Variants in GNAI2 observed in about 807,000 individuals in gnomAD.
GNAI2 encodes the protein G protein subunit alpha i2, also known as guanine nucleotide-binding protein G(i) subunit alpha-2.
Under a neutral mutation model 36.8 loss-of-function variants are expected in GNAI2, and 4 were observed. The observed-to-expected ratio is 0.11, with a 90% CI of 0.05 to 0.25. The LOEUF is 0.25. GNAI2 is among the 10% of genes least tolerant of loss of function. GNAI2 has a pLI of 1.00. For synonymous variants in GNAI2, 194 were observed against 194.1 expected (o/e 1.00, Z 0.01); for missense variants, 230 against 481.3 (o/e 0.48, Z 4.89).
chr3:50,246,062 G>A (rs1361354990), intron 1 of GNAI2, among the ~76,000 whole-genome samples: 2 of 152,172 alleles, frequency 1.3e-5, no homozygotes, highest in African/African-American at 4.8e-5. Flanking sequence ...CCCAGTGCCG[G>A]ACCCGTGCTG....
Position 50,236,583 on chromosome 3 carries a change from C to G in GNAI2, c.118+130C>G. The G allele has an allele frequency of 1.5e-6, 2 of 1,302,774 alleles. No individual in the cohort carries two copies. The highest frequency in any genetic ancestry group is 2.0e-6 in the Non-Finnish European group (2 of 985,398). The allele number at this position is 1,302,774 out of a possible 1,614,324, so 80.7% of individuals were successfully genotyped here. A position where few individuals can be genotyped will look rare whatever the true frequency, so the allele number is the denominator to read the frequency against. On this transcript the variant is annotated intron_variant, in intron 1 of 8. Coordinates refer to ENST00000313601, the MANE Select transcript of GNAI2 (RefSeq NM_002070.4). The surrounding 1 kb of genome is among the most constrained non-coding windows in gnomAD (Gnocchi z 4.0). The stretch of plus-strand genomic sequence containing the variant: ...CTGGGACCCCACACCTGGGCCAGGA[C>G]CAGGGTTGAAAACTCTAGATTGGAC...
chr3:50,245,303 C>T (rs1043957521), intron 1 of GNAI2, among the ~76,000 whole-genome samples: 1 of 152,176 alleles, frequency 6.6e-6, no homozygotes, highest in African/African-American at 2.4e-5. Flanking sequence ...CCGCCAGTGC[C>T]GTGATTCTTA....
rs1559779292 is a variant in GNAI2, at chr3:50,258,792, C to T, written c.*449C>T. On this transcript the variant is annotated 3_prime_UTR_variant, in exon 9 of 9. Transcript: ENST00000313601. ...GCCCAGTCCCCCAACCCCAGCCGCT[C>T]GGAGGCCCCAAAGGAAAAAGCACAA... 2.0e-5 allele frequency: 8 copies of T among 395,948 alleles called. No individual in the cohort carries two copies. The highest frequency in any genetic ancestry group is 3.5e-5 in the Admixed American group (1 of 28,614). The allele number at this position is 395,948 out of a possible 1,614,324, so 24.5% of individuals were successfully genotyped here.
In GNAI2 at chr3:50,252,441, A is replaced by G; in HGVS notation, c.206A>G (p.Tyr69Cys). The G allele has an allele frequency of 6.2e-7, 1 of 1,613,674 alleles. No individual in the cohort carries two copies. The highest frequency in any genetic ancestry group is 8.5e-7 in the Non-Finnish European group (1 of 1,179,880). The stretch of plus-strand genomic sequence containing the variant: ...TACTCCGAGGAGGAATGCCGGCAGT[A>G]CCGGGCGGTTGTCTACAGCAACACC... ...DGYSEEECRQ[Y>C]RAVVYSNTIQ... The change falls in exon 3 of 9, where the codon TAC (tyrosine) becomes TGC (cysteine). Residue 69 changes from tyrosine (Y) to cysteine (C), a missense_variant. Tyr to Cys is a radical substitution (Grantham distance 194). This residue lies in a region of GNAI2 where 132 missense variants were observed against 247.4 expected (regional missense o/e 0.53). Transcript: ENST00000313601. The surrounding 1 kb of genome is among the most constrained non-coding windows in gnomAD (Gnocchi z 4.1).
At position 50,255,664 on chromosome 3, in the gene GNAI2, C is replaced by T. The variant is rs1252822641; in HGVS notation, c.465-528C>T. Among the ~76,000 whole-genome samples the T allele has an allele frequency of 6.6e-6, 1 of 152,202 alleles. No individual in the cohort carries two copies. Among genetic ancestry groups the T allele is most frequent in the Non-Finnish European group, 1.5e-5 (1 of 68,044 alleles). ...CTGTCCACAGAGCTGCACCTCCTCCCATTCCCATTCTACAGGTGGGAGGCC... is the reference window on the plus strand; with the variant it reads ...CTGTCCACAGAGCTGCACCTCCTCCTATTCCCATTCTACAGGTGGGAGGCC... On this transcript the variant is annotated intron_variant, in intron 4 of 8. Transcript: ENST00000313601. The surrounding 1 kb of genome is among the most constrained non-coding windows in gnomAD (Gnocchi z 4.0).
chr3:50,246,884 C>T, intron 1 of GNAI2: 1 of 1,433,390 alleles, frequency 7.0e-7, no homozygotes, highest in South Asian at 1.5e-5. Flanking sequence ...GGAAAGCCAA[C>T]AGAGGAGCCA....
chr3:50,258,769 C>G lies in GNAI2; in HGVS notation c.*426C>G, dbSNP rs1003789812. ...CAAATGTTTACAGGGAGCCTCCTGCCCAGTCCCCCAACCCCAGCCGCTCGG... is the reference window on the plus strand; with the variant it reads ...CAAATGTTTACAGGGAGCCTCCTGCGCAGTCCCCCAACCCCAGCCGCTCGG... On this transcript the variant is annotated 3_prime_UTR_variant, in exon 9 of 9. Transcript: ENST00000313601. 8 of 378,554 alleles carry G rather than the reference C, an allele frequency of 2.1e-5. No individual in the cohort carries two copies. Among genetic ancestry groups the G allele is most frequent in the South Asian group, 1.6e-4 (8 of 48,928 alleles). 23.4% of individuals were successfully genotyped at this position (378,554 alleles called of 1,614,324 possible).
Position 50,252,854 on chromosome 3 carries a change from A to C in GNAI2, c.304-170A>C, listed in dbSNP as rs1700596385. Among the ~76,000 whole-genome samples, 1 of 151,970 alleles carries C rather than the reference A, an allele frequency of 6.6e-6. No individual in the cohort carries two copies. Among genetic ancestry groups the C allele is most frequent in the Non-Finnish European group, 1.5e-5 (1 of 67,966 alleles). On this transcript the variant is annotated intron_variant, in intron 3 of 8. Coordinates refer to ENST00000313601, the MANE Select transcript of GNAI2 (RefSeq NM_002070.4). This position sits in a 1 kb window ranked among gnomAD's most constrained non-coding sequence, Gnocchi z 4.1. ...ACTCTAGCCTTGGTGACAGAGCTAGACTCCGTCACAGAAAAAAGTAAACAA... is the reference window on the plus strand; with the variant it reads ...ACTCTAGCCTTGGTGACAGAGCTAGCCTCCGTCACAGAAAAAAGTAAACAA...
At position 50,238,806 on chromosome 3, in the gene GNAI2, A is replaced by T. The variant is rs1241122858; in HGVS notation, c.118+2353A>T. ...ATGGGAGCCCAGCTGTGGTAAGTTC[A>T]GAGTTCTGGGCGCCTGTCCCATGTA... On this transcript the variant is annotated intron_variant, in intron 1 of 8. Transcript: ENST00000313601. The surrounding 1 kb of genome is among the most constrained non-coding windows in gnomAD (Gnocchi z 5.0). Among the ~76,000 whole-genome samples the T allele has an allele frequency of 1.3e-5, 2 of 152,246 alleles. No individual in the cohort carries two copies. The highest frequency in any genetic ancestry group is 4.8e-5 in the African/African-American group (2 of 41,468).
rs1191429066 is a variant in GNAI2, at chr3:50,252,277, C to T, written c.162-120C>T. 2.2e-6 allele frequency: 3 copies of T among 1,395,052 alleles called. No homozygotes were observed. Among genetic ancestry groups the T allele is most frequent in the African/African-American group, 1.4e-5 (1 of 70,782 alleles). The allele number at this position is 1,395,052 out of a possible 1,614,324, so 86.4% of individuals were successfully genotyped here. A position where few individuals can be genotyped will look rare whatever the true frequency, so the allele number is the denominator to read the frequency against. On this transcript the variant is annotated intron_variant, in intron 2 of 8. Transcript: ENST00000313601. This position sits in a 1 kb window ranked among gnomAD's most constrained non-coding sequence, Gnocchi z 4.1. ...ATCTTCTGAGAAGCAGAAGGACCCT[C>T]AGGTCCCAGTGGGTCAGGGGCAGTT...
At position 50,242,782 on chromosome 3, in the gene GNAI2, A is replaced by G. The variant is rs1344815465; in HGVS notation, c.118+6329A>G. 6.6e-6 allele frequency among the ~76,000 whole-genome samples: 1 copy of G among 152,198 alleles called. No homozygotes were observed. The highest frequency in any genetic ancestry group is 1.5e-5 in the Non-Finnish European group (1 of 68,046). Reference sequence around the variant, plus strand: ...ACCACACCAGTCTGAGCAAAGGCCTAAAGGTGGGGTCATCTCAGCCTTGTT... The same window carrying G: ...ACCACACCAGTCTGAGCAAAGGCCTGAAGGTGGGGTCATCTCAGCCTTGTT... On this transcript the variant is annotated intron_variant, in intron 1 of 8. Coordinates refer to ENST00000313601, the MANE Select transcript of GNAI2 (RefSeq NM_002070.4). The surrounding 1 kb of genome is among the most constrained non-coding windows in gnomAD (Gnocchi z 4.8).
chr3:50,232,594 C>T (rs1298843066), upstream of GNAI2, among the ~76,000 whole-genome samples: 1 of 152,204 alleles, frequency 6.6e-6, no homozygotes, highest in Non-Finnish European at 1.5e-5. Context: ...CTACAGCCTC[C>T]AACTGCTGCA....
upstream of GNAI2, chr3:50,229,948 C>G (rs1700044102): frequency 1.3e-5 from 2 of 152,310 alleles, no homozygotes. Flanking sequence ...TGACCCCTTC[C>G]TCTGGATCCT....
chr3:50,246,271 TCGC>T (rs1700421642), intron 1 of GNAI2, among the ~76,000 whole-genome samples: 1 of 152,118 alleles, frequency 6.6e-6, no homozygotes, highest in Non-Finnish European at 1.5e-5. Flanking sequence ...CCTTCCCCAG[TCGC>T]CCCTGGCTGA....
At position 50,259,136 on chromosome 3, in the gene GNAI2, G is replaced by T; in HGVS notation, c.*793G>T. The stretch of plus-strand genomic sequence containing the variant: ...CCAGACAACTGCCAACGTCACTGAG[G>T]GCCCTGCCCCAGCGGCCCTGGCCCC... On this transcript the variant is annotated 3_prime_UTR_variant, in exon 9 of 9. Transcript: ENST00000313601. 5.8e-6 allele frequency: 2 copies of T among 343,874 alleles called. No homozygotes were observed. The highest frequency in any genetic ancestry group is 5.7e-6 in the Non-Finnish European group (1 of 176,628). The allele number at this position is 343,874 out of a possible 1,614,324, so 21.3% of individuals were successfully genotyped here. A position where few individuals can be genotyped will look rare whatever the true frequency, so the allele number is the denominator to read the frequency against.
chr3:50,251,776 G>A, intron 1 of GNAI2: 1 of 1,309,876 alleles, frequency 7.6e-7, no homozygotes, highest in Non-Finnish European at 9.9e-7. Context: ...GAACAGGGTG[G>A]CTCCTTCATG....
chr3:50,245,925 G>C (rs1289292304), intron 1 of GNAI2, among the ~76,000 whole-genome samples: 1 of 152,266 alleles, frequency 6.6e-6, no homozygotes, highest in Non-Finnish European at 1.5e-5. Flanking sequence ...GGAGGCAGCC[G>C]AGTGCCAGAG....
At chr3:50,232,793 G>A (rs1357291560), upstream of GNAI2, among the ~76,000 whole-genome samples, 2 of 152,032 alleles carry the variant, frequency 1.3e-5, no homozygotes, top group Non-Finnish European at 1.5e-5. Flanking sequence ...GAGATAGTGG[G>A]GACAGAGAAC....
chr3:50,256,222 G>T lies in GNAI2; in HGVS notation c.495G>T (p.Gln165His), dbSNP rs1700699721. 1.4e-6 allele frequency: 2 copies of T among 1,406,786 alleles called. No homozygotes were observed. Among genetic ancestry groups the T allele is most frequent in the Non-Finnish European group, 1.9e-6 (2 of 1,036,768 alleles). 87.1% of individuals were successfully genotyped at this position (1,406,786 alleles called of 1,614,324 possible). ...TGAACGACCTGGAGCGTATTGCACA[G>T]AGTGACTACATCCCCACACAGCAAG... ...YYLNDLERIAQSDYIPTQQDV... is the reference protein window; with the variant it reads ...YYLNDLERIAHSDYIPTQQDV... The change falls in exon 5 of 9, where the codon CAG becomes CAT. Residue 165 changes from glutamine to histidine, a missense_variant. Coordinates refer to ENST00000313601, the MANE Select transcript of GNAI2 (RefSeq NM_002070.4).
Sources: gnomAD v4.1 joint callset for allele counts (sites outside exome capture counted in the v4.1 genomes callset) on GRCh38, gnomAD v4.1.1 for gene constraint, gnomAD v4.1.1 regional missense constraint, Gnocchi (gnomAD v3.1) non-coding constraint, MANE v1.5 for transcripts, NCBI Gene and HGNC (gene_info 2026-07-23, HGNC 2026-07-21) for gene names.